The following KLHL41 variants were observed in gnomAD, a reference collection of about 807,000 sequenced individuals.
KLHL41 encodes kelch like family member 41.
A neutral mutation model predicts 49.2 loss-of-function variants in KLHL41; 31 were observed. The ratio of observed to expected loss-of-function variants is 0.63; its 90% CI spans 0.47 to 0.85. KLHL41 has a LOEUF of 0.85. Among genes scored for constraint, KLHL41 ranks in the 40% least tolerant of loss-of-function variants. The pLI, the probability that KLHL41 is intolerant of heterozygous loss-of-function variation, is 0.00. For synonymous variants in KLHL41, 218 were observed against 258.5 expected, an observed-to-expected ratio of 0.84 and a Z score of 1.50; for missense variants, 663 against 726.7, an observed-to-expected ratio of 0.91 and a Z score of 1.01.
At chr2:169,515,563 C>A (rs1196705650) in intron 3 of KLHL41, among the ~76,000 whole-genome samples, 1 of 152,134 alleles carries the variant, frequency 6.6e-6, no homozygotes, top group Non-Finnish European at 1.5e-5. Context: ...TATTTTACTA[C>A]ATTAAAACCA....
At chr2:169,522,865 G>T (rs1684222718) in intron 5 of KLHL41, among the ~76,000 whole-genome samples, 1 of 151,864 alleles carries the variant, frequency 6.6e-6, no homozygotes, top group African/African-American at 2.4e-5. Flanking sequence ...TGGGACTACA[G>T]GTGTGCACCA....
At chr2:169,516,704 A>C (rs1402373661) in intron 3 of KLHL41, among the ~76,000 whole-genome samples, 1 of 152,232 alleles carries the variant, frequency 6.6e-6, no homozygotes. Context: ...AAAGTCAAGA[A>C]CTTTGAAATG....
chr2:169,521,387 G>A (rs1421119988), intron 5 of KLHL41, among the ~76,000 whole-genome samples: 6 of 152,050 alleles, frequency 3.9e-5, no homozygotes, highest in Non-Finnish European at 4.4e-5. Flanking sequence ...AAAATTTTAT[G>A]TTTTTTACTT....
At chr2:169,520,699 C>T (rs1250122600) in intron 4 of KLHL41, among the ~76,000 whole-genome samples, 162 bp from the exon 5 acceptor site, 3 of 149,292 alleles carry the variant, frequency 2.0e-5, no homozygotes, top group Non-Finnish European at 3.0e-5. Context: ...GTGATCTACC[C>T]GTCTCAGCCT....
intron 5 of KLHL41, 150 bp downstream of exon 5, chr2:169,521,157 T>C: frequency 1.5e-6 from 1 of 652,074 alleles, no homozygotes; most frequent in South Asian, 2.0e-5. Context: ...TGAACTTCTG[T>C]ACATGCCACT....
chr2:169,520,150 CTCTG>C (rs1684175659), intron 4 of KLHL41, among the ~76,000 whole-genome samples: 1 of 138,064 alleles, frequency 7.2e-6, no homozygotes, highest in Admixed American at 7.9e-5. Flanking sequence ...CCAGGCCTAG[CTCTG>C]TGTGTGTGTG....
chr2:169,518,285 C>T lies in KLHL41; in HGVS notation c.1472C>T (p.Ala491Val), dbSNP rs944433342. 6.2e-6 allele frequency: 10 copies of T among 1,613,696 alleles called. No individual in the cohort carries two copies. Among genetic ancestry groups the T allele is most frequent in the Non-Finnish European group, 8.5e-6 (10 of 1,179,732 alleles). ...ATTCCTCGTTCCATGTTTGGAGTAG[C>T]AGTCCATAAAGGCAAAATTGTGATT... ...MKIPRSMFGV[A>V]VHKGKIVIAG... Residue 491 changes from alanine to valine, a missense_variant, in exon 4 of 6, where the codon GCA becomes GTA. Ala to Val is a moderately conservative substitution (Grantham distance 64). Around this residue, in one of 3 missense-constraint regions of KLHL41, gnomAD observed 528 missense variants for 581.0 expected, o/e 0.91. Coordinates refer to ENST00000284669, the MANE Select transcript of KLHL41 (RefSeq NM_006063.3).
At chr2:169,515,035 C>CA (rs1553531291) in intron 3 of KLHL41, 74 bp downstream of exon 3, 5 of 641,622 alleles carry the variant, frequency 7.8e-6, no homozygotes, top group Non-Finnish European at 9.7e-6. Context: ...CTTTTCTTTT[C>CA]TTTTTTTTTT....
chr2:169,514,858 G>A lies in KLHL41; in HGVS notation c.1273G>A (p.Ala425Thr), dbSNP rs1451090688. The A allele has an allele frequency of 1.2e-6, 2 of 1,602,062 alleles. No individual in the cohort carries two copies. Among genetic ancestry groups the A allele is most frequent in the Non-Finnish European group, 1.7e-6 (2 of 1,176,564 alleles). Residue 425 changes from alanine (A) to threonine (T), a missense_variant, in exon 3 of 6, where the codon GCA becomes ACA. By Grantham distance (58) the Ala-to-Thr change is moderately conservative. Coordinates refer to ENST00000284669, the MANE Select transcript of KLHL41 (RefSeq NM_006063.3). The part of the protein sequence containing the change: ...DSVLCYDPVA[A>T]KWNEVKKLPI... ...TTCTGTCTCGTTTAATTTTAGGGCTGCAAAATGGAACGAAGTAAAAAAACT... is the reference window on the plus strand; with the variant it reads ...TTCTGTCTCGTTTAATTTTAGGGCTACAAAATGGAACGAAGTAAAAAAACT...
Position 169,510,633 on chromosome 2 carries a change from A to C in KLHL41, c.855A>C (p.Glu285Asp). 6.2e-7 allele frequency: 1 copy of C among 1,614,128 alleles called. No homozygotes were observed. The change falls in exon 1 of 6, where the codon GAA (glutamate) becomes GAC (aspartate). Residue 285 changes from glutamate (E) to aspartate (D), a missense_variant. Glu to Asp is a conservative substitution (Grantham distance 45, BLOSUM62 2). This residue lies in a region of KLHL41 where 528 missense variants were observed against 581.0 expected (regional missense o/e 0.91). Coordinates refer to ENST00000284669, the MANE Select transcript of KLHL41 (RefSeq NM_006063.3). The surrounding 1 kb of genome is among the most constrained non-coding windows in gnomAD (Gnocchi z 4.2). ...AGEVNGDVGDEDLLPGYLNDI... is the reference protein window; with the variant it reads ...AGEVNGDVGDDDLLPGYLNDI... ...AGGTGAATGGTGATGTTGGTGATGA[A>C]GATTTACTTCCTGGTTACCTGAATG...
At chr2:169,522,053 A>G (rs1184852050) in intron 5 of KLHL41, among the ~76,000 whole-genome samples, 1 of 152,096 alleles carries the variant, frequency 6.6e-6, no homozygotes, top group Non-Finnish European at 1.5e-5. Context: ...CTGAATGAGA[A>G]TCTGTATTTT....
chr2:169,512,138 T>C (rs778816761), intron 1 of KLHL41, among the ~76,000 whole-genome samples: 1 of 152,242 alleles, frequency 6.6e-6, no homozygotes, highest in Non-Finnish European at 1.5e-5. Flanking sequence ...ATTATACCTT[T>C]AATCAACTTT....
chr2:169,519,156 A>G (rs1322495332), intron 4 of KLHL41, among the ~76,000 whole-genome samples: 1 of 152,150 alleles, frequency 6.6e-6, no homozygotes, highest in East Asian at 1.9e-4. Context: ...TAAAAATTTC[A>G]TTTTTAAGCT....
In KLHL41 at chr2:169,525,532, G is replaced by A. The variant is rs919802667; in HGVS notation, c.1710-53G>A. The A allele has an allele frequency of 2.0e-5, 22 of 1,085,102 alleles. No individual in the cohort carries two copies. In the African/African-American group the frequency reaches 3.1e-4, roughly 15 times the overall value. The allele number at this position is 1,085,102 out of a possible 1,614,324, so 67.2% of individuals were successfully genotyped here. On this transcript the variant is annotated intron_variant, in intron 5 of 5. Transcript: ENST00000284669. ...TCCACATTTGTATTCTGAACACAGG[G>A]AAACCTATGGAACTAAAGCTGCTTA... is the stretch of plus-strand genomic sequence containing the variant.
intron 1 of KLHL41, among the ~76,000 whole-genome samples, chr2:169,512,475 AT>A (rs1684043928): frequency 6.6e-6 from 1 of 152,178 alleles, no homozygotes; most frequent in South Asian, 2.1e-4. Context: ...TTCATATTTA[AT>A]TTATTGAATA....
chr2:169,509,733 A>T lies in KLHL41; in HGVS notation c.-46A>T. 1 of 1,567,120 alleles carries T rather than the reference A, an allele frequency of 6.4e-7. No individual in the cohort carries two copies. The highest frequency in any genetic ancestry group is 8.6e-7 in the Non-Finnish European group (1 of 1,162,188). ...ACAGCTAGACCTGTGTGCTGCAAGG[A>T]GCTAAGGCCTTCAGTGTCCCCTTCC... On this transcript the variant is annotated 5_prime_UTR_variant, in exon 1 of 6. Transcript: ENST00000284669.
intron 1 of KLHL41, among the ~76,000 whole-genome samples, chr2:169,513,234 G>C (rs949414213): frequency 6.6e-6 from 1 of 152,168 alleles, no homozygotes; most frequent in Non-Finnish European, 1.5e-5. Flanking sequence ...TCACCTAAAA[G>C]TTCTGTGTAT....
chr2:169,520,287 T>TGC (rs1684181701), intron 4 of KLHL41, among the ~76,000 whole-genome samples: 2 of 112,002 alleles, frequency 1.8e-5, no homozygotes, highest in Non-Finnish European at 2.0e-5. Flanking sequence ...TGTGTGTGTG[T>TGC]GTGTGTGTGT....
At position 169,526,141 on chromosome 2, in the gene KLHL41, C is replaced by T. The variant is rs545216949; in HGVS notation, c.*445C>T. 1 of 152,336 alleles carries T rather than the reference C, an allele frequency of 6.6e-6. No individual in the cohort carries two copies. The highest frequency in any genetic ancestry group is 1.5e-5 in the Non-Finnish European group (1 of 68,228). The allele number at this position is 152,336 out of a possible 1,614,324, so 9.4% of individuals were successfully genotyped here. ...AATGACAGGAATCCTGTGCATTATA[C>T]TAAGAATTACATGCCATAAGATGAC... On this transcript the variant is annotated 3_prime_UTR_variant, in exon 6 of 6. Transcript: ENST00000284669.
Sources: allele counts gnomAD v4.1 joint callset (sites outside exome capture counted in the v4.1 genomes callset), GRCh38; gene constraint gnomAD v4.1.1; regional missense constraint gnomAD v4.1.1; non-coding constraint Gnocchi (gnomAD v3.1); transcripts MANE v1.5; gene names NCBI Gene and HGNC (gene_info 2026-07-23, HGNC 2026-07-21).